Variants in DYSF observed in about 807,000 individuals in gnomAD.
The protein encoded by DYSF is dystrophy-associated fer-1-like 1.
DYSF carries 212 observed loss-of-function variants against 274.9 expected under a neutral mutation model. The ratio of observed to expected loss-of-function variants is 0.77; its 90% CI spans 0.69 to 0.86. The LOEUF is 0.86. DYSF is among the 40% of genes least tolerant of loss of function. The pLI is 0.00. For synonymous variants in DYSF, 1,091 were observed against 1,078.7 expected (o/e 1.01, Z -0.22); for missense variants, 2,666 against 2,783.2 (o/e 0.96, Z 0.95).
intron 40 of DYSF, among the ~76,000 whole-genome samples, chr2:71,618,107 AGGT>A (rs1371545460): frequency 1.2e-5 from 1 of 84,608 alleles, no homozygotes; most frequent in Admixed American, 1.5e-4. Flanking sequence ...TGTGTGGTAG[AGGT>A]GGGGTGTGTG....
At chr2:71,608,601 A>G (rs1406142066) in intron 36 of DYSF, among the ~76,000 whole-genome samples, 1 of 152,128 alleles carries the variant, frequency 6.6e-6, no homozygotes, top group Non-Finnish European at 1.5e-5. Context: ...TTCTTCCTCC[A>G]GGGCCTTCTC....
intron 45 of DYSF, 114 bp downstream of exon 45, chr2:71,660,765 T>C: frequency 2.2e-6 from 2 of 911,282 alleles, no homozygotes; most frequent in South Asian, 1.4e-5. Flanking sequence ...AGCAAAACTG[T>C]ATTCCTTAAA....
chr2:71,578,218 CA>C (rs1172903699), intron 30 of DYSF, among the ~76,000 whole-genome samples: 1 of 152,152 alleles, frequency 6.6e-6, no homozygotes, highest in Non-Finnish European at 1.5e-5. Context: ...GCTGCTGGTC[CA>C]GGGGCCATCT....
chr2:71,603,893 T>C (rs904608551), intron 36 of DYSF, among the ~76,000 whole-genome samples: 5 of 152,164 alleles, frequency 3.3e-5, no homozygotes, highest in African/African-American at 1.2e-4. Context: ...ATTCGTAATA[T>C]GTAACAGTGA....
rs184255512 is a variant in DYSF at position 71,505,260 on chromosome 2, C to T, written c.345+1941C>T. On this transcript the variant is annotated intron_variant, in intron 4 of 55. Transcript: ENST00000410020. The stretch of plus-strand genomic sequence containing the variant: ...GACCTGGGCTGGCTGCACTGTAGTG[C>T]GAGGCAGGGATAACTGGGGGTGTGC... Among the ~76,000 whole-genome samples, 16 of 152,270 alleles carry T rather than the reference C, an allele frequency of 1.1e-4. No individual in the cohort carries two copies. In the East Asian group the frequency reaches 1.4e-3, roughly 13 times the overall value.
In DYSF at chr2:71,564,304, C is replaced by T. The variant is rs1301257599; in HGVS notation, c.2565+91C>T. ...TTCTGTTTCCCCTCCTGTTCTTGAC[C>T]TATCTTAGTTCTTAGGCTGTGGTCT... On this transcript the variant is annotated intron_variant, in intron 24 of 55. Coordinates refer to ENST00000410020, the MANE Select transcript of DYSF (RefSeq NM_001130987.2). The T allele has an allele frequency of 1.9e-6, 3 of 1,545,830 alleles. No homozygotes were observed. The East Asian group carries it at 6.8e-5, about 35-fold the overall frequency.
At position 71,660,500 on chromosome 2, in the gene DYSF, G is replaced by GA. The variant is rs3214546; in HGVS notation, c.4912-58dup. 6.7e-4 allele frequency: 973 copies of GA among 1,442,218 alleles called. 3 individuals carry two copies. In the East Asian group the frequency reaches 0.018, roughly 27 times the overall value. The allele number at this position is 1,442,218 out of a possible 1,614,324, so 89.3% of individuals were successfully genotyped here. ...TCCCATCCAGAGGCAAGGCACTCAT[G>GA]AAGCCTCAAAGACAGGTTTGGAAAG... On this transcript the variant is annotated intron_variant, in intron 44 of 55. Transcript: ENST00000410020.
intron 21 of DYSF, 113 bp downstream of exon 21, chr2:71,554,044 G>A: frequency 6.6e-7 from 1 of 1,516,716 alleles, no homozygotes; most frequent in African/African-American, 1.4e-5. Flanking sequence ...ACACGGCTGT[G>A]CCTACTGACC....
At chr2:71,577,607 C>T (rs1427453396) in intron 30 of DYSF, among the ~76,000 whole-genome samples, 3 of 151,860 alleles carry the variant, frequency 2.0e-5, no homozygotes, top group African/African-American at 7.3e-5. Context: ...AACACATAGA[C>T]ACACACACAT....
At chr2:71,502,079 CTGTGTGTGTGTGTGTGTGTGTG>C (rs71402986) in intron 3 of DYSF, among the ~76,000 whole-genome samples, 2 of 143,806 alleles carry the variant, frequency 1.4e-5, no homozygotes, top group Non-Finnish European at 3.0e-5. Context: ...CTCCATGACT[CTGTGTGTGTGTGTGTGTGTGTG>C]TGTGTGTGTG....
intron 4 of DYSF, among the ~76,000 whole-genome samples, chr2:71,508,217 T>C (rs1291488520): frequency 6.6e-6 from 1 of 152,238 alleles, no homozygotes; most frequent in African/African-American, 2.4e-5. Context: ...CTAAGCCATT[T>C]GACATGAGGG....
intron 30 of DYSF, among the ~76,000 whole-genome samples, chr2:71,583,723 T>G (rs2092971951): frequency 6.6e-6 from 1 of 152,190 alleles, no homozygotes; most frequent in African/African-American, 2.4e-5. Context: ...TCAGACATGC[T>G]GGTGGGCTCG....
At chr2:71,508,851 T>C (rs2085773998) in intron 4 of DYSF, among the ~76,000 whole-genome samples, 1 of 152,204 alleles carries the variant, frequency 6.6e-6, no homozygotes, top group African/African-American at 2.4e-5. Context: ...TTGTTTTGTA[T>C]TTGTATTTTT....
chr2:71,513,786 A>C lies in DYSF; in HGVS notation c.624A>C (p.Gln208His), dbSNP rs1332811162. ...TGDEAEPFLD[Q>H]SGGPGAPTTP... is the part of the protein sequence containing the mutation. ...ATGAGGCGGAGCCATTCCTGGATCA[A>C]AGCGGAGGCCCGGGGGCTCCCACCA... The change falls in exon 7 of 56, where the codon CAA becomes CAC. Residue 208 changes from glutamine (Q) to histidine (H), a missense_variant. Gln to His is a conservative substitution (Grantham distance 24). This residue lies in a region of DYSF where 794 missense variants were observed against 777.1 expected (regional missense o/e 1.02). Coordinates refer to ENST00000410020, the MANE Select transcript of DYSF (RefSeq NM_001130987.2). 3.1e-6 allele frequency: 5 copies of C among 1,614,090 alleles called. No individual in the cohort carries two copies. The highest frequency in any genetic ancestry group is 1.3e-5 in the African/African-American group (1 of 74,934).
At chr2:71,504,222 G>A in intron 4 of DYSF, among the ~76,000 whole-genome samples, 1 of 152,110 alleles carries the variant, frequency 6.6e-6, no homozygotes, top group East Asian at 1.9e-4. Context: ...CCTGGACCAG[G>A]AGCTCATCCC....
At chr2:71,470,142 CCT>C (rs952578802) in intron 1 of DYSF, among the ~76,000 whole-genome samples, 48 of 152,266 alleles carry the variant, frequency 3.2e-4, no homozygotes, top group African/African-American at 1.1e-3. Flanking sequence ...CTGACACTTC[CCT>C]CTCTCTCATC....
chr2:71,546,982 C>A (rs181906472), intron 17 of DYSF, among the ~76,000 whole-genome samples: 50 of 152,324 alleles, frequency 3.3e-4, no homozygotes, highest in African/African-American at 1.2e-3. Context: ...TTCAGCTTCC[C>A]CCAGGTGAGG....
intron 10 of DYSF, among the ~76,000 whole-genome samples, 194 bp downstream of exon 10, chr2:71,517,233 A>G (rs2086754735): frequency 6.6e-6 from 1 of 152,222 alleles, no homozygotes; most frequent in African/African-American, 2.4e-5. Context: ...AAGGTAGAAG[A>G]GAAAGAAAGC....
exon 1 of DYSF, chr2:71,453,835 TC>T: frequency 1.4e-6 from 1 of 731,770 alleles, no homozygotes; most frequent in Non-Finnish European, 2.4e-6. Flanking sequence ...GGTGGCCCGT[TC>T]CCCTTTAAGA....
Sources: allele counts gnomAD v4.1 joint callset (sites outside exome capture counted in the v4.1 genomes callset), GRCh38; gene constraint gnomAD v4.1.1; regional missense constraint gnomAD v4.1.1; transcripts MANE v1.5; gene names NCBI Gene and HGNC (gene_info 2026-07-23, HGNC 2026-07-21).